The following NR2F1-AS1 variants were observed in gnomAD, a reference collection of about 807,000 sequenced individuals.
The protein encoded by NR2F1-AS1 is NR2F1 antisense RNA 1.
intron 4 of NR2F1-AS1, among the ~76,000 whole-genome samples, chr5:93,504,977 C>A (rs1031844099): frequency 2.0e-5 from 3 of 152,164 alleles, no homozygotes; most frequent in African/African-American, 7.2e-5. Flanking sequence ...ACCTAAAAGT[C>A]CACAGTCGAA....
At chr5:93,490,867 T>A (rs890919929) in intron 4 of NR2F1-AS1, among the ~76,000 whole-genome samples, 16 of 144,118 alleles carry the variant, frequency 1.1e-4, no homozygotes, top group African/African-American at 4.2e-4. Context: ...GTTGACTTGG[T>A]AATGGTGGTG....
chr5:93,425,298 G>A (rs1749172844), intron 4 of NR2F1-AS1, among the ~76,000 whole-genome samples: 1 of 152,124 alleles, frequency 6.6e-6, no homozygotes, highest in Non-Finnish European at 1.5e-5. Context: ...AAGAGCCTCG[G>A]TTCTTTTCTG....
intron 4 of NR2F1-AS1, among the ~76,000 whole-genome samples, chr5:93,437,990 G>C (rs1037240791): frequency 6.6e-6 from 1 of 152,124 alleles, no homozygotes; most frequent in African/African-American, 2.4e-5. Flanking sequence ...GTAAAGACAG[G>C]ATATGCTTCT....
At chr5:93,463,135 A>C (rs1464713891) in intron 4 of NR2F1-AS1, among the ~76,000 whole-genome samples, 1 of 152,152 alleles carries the variant, frequency 6.6e-6, no homozygotes, top group Non-Finnish European at 1.5e-5. Flanking sequence ...TAGGAGGAAA[A>C]AATGGTTTCA....
chr5:93,422,979 C>T (rs773194759), intron 4 of NR2F1-AS1, among the ~76,000 whole-genome samples: 48 of 152,118 alleles, frequency 3.2e-4, no homozygotes, highest in Non-Finnish European at 4.9e-4. Context: ...CATCAAAACC[C>T]GGGCCAGCTG....
chr5:93,558,504 T>C (rs1334019285), intron 2 of NR2F1-AS1, among the ~76,000 whole-genome samples: 2 of 152,056 alleles, frequency 1.3e-5, no homozygotes, highest in South Asian at 4.2e-4. Flanking sequence ...GTATTTTTAG[T>C]AGAGACAGGG....
chr5:93,564,366 C>T (rs1752569539), intron 1 of NR2F1-AS1, among the ~76,000 whole-genome samples: 1 of 151,972 alleles, frequency 6.6e-6, no homozygotes, highest in Admixed American at 6.6e-5. Flanking sequence ...AGTTACATTG[C>T]TATTTTTTCA....
At chr5:93,515,029 G>A (rs1414165065) in intron 4 of NR2F1-AS1, among the ~76,000 whole-genome samples, 1 of 151,780 alleles carries the variant, frequency 6.6e-6, no homozygotes, top group Non-Finnish European at 1.5e-5. Flanking sequence ...GATATCTTAA[G>A]GGAAGAACTT....
chr5:93,523,136 G>C (rs1421351249), intron 4 of NR2F1-AS1, among the ~76,000 whole-genome samples: 1 of 152,112 alleles, frequency 6.6e-6, no homozygotes, highest in Non-Finnish European at 1.5e-5. Flanking sequence ...GTATGAAGTC[G>C]ACCTGGGATG....
chr5:93,570,372 G>A (rs1246965204), intron 1 of NR2F1-AS1: 2 of 152,490 alleles, frequency 1.3e-5, no homozygotes, highest in African/African-American at 2.4e-5. Flanking sequence ...CACCCCAGGA[G>A]GATGGCAAGG....
At chr5:93,463,213 C>T (rs1358529275) in intron 4 of NR2F1-AS1, among the ~76,000 whole-genome samples, 1 of 152,204 alleles carries the variant, frequency 6.6e-6, no homozygotes, top group Non-Finnish European at 1.5e-5. Context: ...TCCAGCCACT[C>T]TAGCCATGGT....
chr5:93,445,520 A>G (rs1011789375), intron 4 of NR2F1-AS1, among the ~76,000 whole-genome samples: 26 of 152,232 alleles, frequency 1.7e-4, no homozygotes, highest in African/African-American at 6.3e-4. Flanking sequence ...CCCTGAATAG[A>G]CCAACAACAG....
chr5:93,488,120 A>G (rs1750765010), intron 4 of NR2F1-AS1, among the ~76,000 whole-genome samples: 1 of 152,238 alleles, frequency 6.6e-6, no homozygotes, highest in Non-Finnish European at 1.5e-5. Context: ...TAAATGTAAG[A>G]CCTAAAACCA....
At chr5:93,564,765 C>T (rs1752577725) in intron 1 of NR2F1-AS1, among the ~76,000 whole-genome samples, 2 of 152,150 alleles carry the variant, frequency 1.3e-5, no homozygotes, top group African/African-American at 4.8e-5. Context: ...TATGCCCATC[C>T]TATTTTCCTG....
At chr5:93,433,636 G>A (rs541694693) in intron 4 of NR2F1-AS1, among the ~76,000 whole-genome samples, 1 of 152,284 alleles carries the variant, frequency 6.6e-6, no homozygotes, top group East Asian at 1.9e-4. Context: ...AGATGGTACT[G>A]ACTCAGTACA....
intron 4 of NR2F1-AS1, among the ~76,000 whole-genome samples, chr5:93,505,455 C>T (rs539501688): frequency 1.3e-5 from 2 of 152,322 alleles, no homozygotes; most frequent in South Asian, 4.1e-4. Context: ...GGACTCCAAC[C>T]CCACATTTCC....
intron 4 of NR2F1-AS1, among the ~76,000 whole-genome samples, chr5:93,416,715 G>GA (rs1748975547): frequency 6.6e-6 from 1 of 152,034 alleles, no homozygotes; most frequent in South Asian, 2.1e-4. Context: ...CTAAGCGGTC[G>GA]AACTCCTTCC....
intron 4 of NR2F1-AS1, among the ~76,000 whole-genome samples, chr5:93,530,709 C>A (rs1751719137): frequency 6.6e-6 from 1 of 152,092 alleles, no homozygotes; most frequent in African/African-American, 2.4e-5. Flanking sequence ...AAATGACGGA[C>A]ATGCCTAATT....
At chr5:93,499,302 C>T (rs72786614) in intron 4 of NR2F1-AS1, among the ~76,000 whole-genome samples, 2 of 152,312 alleles carry the variant, frequency 1.3e-5, no homozygotes, top group Non-Finnish European at 2.9e-5. Flanking sequence ...CTGAGCTTTA[C>T]AGATACTGCT....
Sources: allele counts gnomAD v4.1 joint callset (sites outside exome capture counted in the v4.1 genomes callset), GRCh38; gene constraint gnomAD v4.1.1; transcripts MANE v1.5; gene names NCBI Gene and HGNC (gene_info 2026-07-23, HGNC 2026-07-21).